The following ZNF804B variants were observed in gnomAD, a reference collection of about 807,000 sequenced individuals.
ZNF804B encodes zinc finger 804B.
A neutral mutation model predicts 101.4 loss-of-function variants in ZNF804B; 80 were observed. The observed-to-expected ratio is 0.79, with a 90% confidence interval of 0.66 to 0.95. ZNF804B has a LOEUF of 0.95. ZNF804B is among the 40% of genes least tolerant of loss of function. ZNF804B has a pLI of 0.00. For missense variants in ZNF804B, 1,673 were observed against 1,561.9 expected, an observed-to-expected ratio of 1.07 and a Z score of -1.20; for synonymous variants, 622 against 558.8, an observed-to-expected ratio of 1.11 and a Z score of -1.59.
intron 2 of ZNF804B, among the ~76,000 whole-genome samples, chr7:89,219,110 A>T (rs1479232766): frequency 6.6e-6 from 1 of 151,528 alleles, no homozygotes; most frequent in Non-Finnish European, 1.5e-5. Flanking sequence ...ATTATAGTCT[A>T]CATCTTTGTT....
rs187131439 is a variant in ZNF804B, at chr7:89,206,708, C to T, written c.109-11447C>T. Among the ~76,000 whole-genome samples the T allele has an allele frequency of 6.7e-3, 1,025 of 152,206 alleles. 3 individuals are homozygous for T. Among genetic ancestry groups the T allele is most frequent in the Non-Finnish European group, 0.01 (700 of 68,014 alleles). On this transcript the variant is annotated intron_variant, in intron 1 of 3. Coordinates refer to ENST00000333190, the MANE Select transcript of ZNF804B (RefSeq NM_181646.5). ...TGGAAGTTGCAGTGAGCTGAGATCA[C>T]GCCATTGCACTCCAGCCTGGGTCAC...
At chr7:89,050,942 A>G (rs1207323521) in intron 1 of ZNF804B, among the ~76,000 whole-genome samples, 2 of 151,904 alleles carry the variant, frequency 1.3e-5, no homozygotes, top group African/African-American at 2.4e-5. Context: ...GGTTTTATTA[A>G]GGTAGAAGCA....
chr7:89,305,985 G>C (rs773333051), intron 2 of ZNF804B, among the ~76,000 whole-genome samples: 2 of 151,914 alleles, frequency 1.3e-5, no homozygotes, highest in Non-Finnish European at 2.9e-5. Context: ...TTTAATAGAT[G>C]TAATAATTGT....
At chr7:88,885,605 A>G (rs559404210) in intron 1 of ZNF804B, among the ~76,000 whole-genome samples, 1 of 150,450 alleles carries the variant, frequency 6.6e-6, no homozygotes, top group Non-Finnish European at 1.5e-5. Context: ...ATTACAACAT[A>G]CTAGATATGA....
At chr7:89,183,359 G>A (rs1788327724) in intron 1 of ZNF804B, among the ~76,000 whole-genome samples, 1 of 151,654 alleles carries the variant, frequency 6.6e-6, no homozygotes, top group Non-Finnish European at 1.5e-5. Flanking sequence ...TTCATTTTAT[G>A]GTAATTATAT....
rs1562885474 is a variant in ZNF804B, at chr7:89,103,068, T to TG, written c.109-115087_109-115086insG. 2.6e-3 allele frequency among the ~76,000 whole-genome samples: 363 copies of TG among 138,956 alleles called. 4 individuals carry two copies. Among genetic ancestry groups the TG allele is most frequent in the Middle Eastern group, 7.2e-3 (2 of 276 alleles). The allele number at this position is 138,956 out of a possible 152,430, so 91.2% of individuals were successfully genotyped here. The stretch of plus-strand genomic sequence containing the variant: ...TGTCTGTTTTTTTTTTTTTTTTTTT[T>TG]TTTTTTTTTTTTTTTACCAATACTG... On this transcript the variant is annotated intron_variant, in intron 1 of 3. Transcript: ENST00000333190.
chr7:88,940,379 T>C (rs940593576), intron 1 of ZNF804B, among the ~76,000 whole-genome samples: 1 of 151,960 alleles, frequency 6.6e-6, no homozygotes, highest in Non-Finnish European at 1.5e-5. Context: ...GAATAAAAAT[T>C]AGATAAGTAT....
At chr7:89,329,611 C>T (rs1790946884) in intron 3 of ZNF804B, among the ~76,000 whole-genome samples, 1 of 151,592 alleles carries the variant, frequency 6.6e-6, no homozygotes, top group Non-Finnish European at 1.5e-5. Flanking sequence ...TATAAAGGGT[C>T]ATCAAATTTG....
At chr7:89,061,390 ATG>A (rs58438827) in intron 1 of ZNF804B, among the ~76,000 whole-genome samples, 3 of 150,702 alleles carry the variant, frequency 2.0e-5, no homozygotes, top group Non-Finnish European at 3.0e-5. Context: ...CCCCATGAAA[ATG>A]TGTGTGTGTG....
At chr7:89,217,190 A>C (rs1393896217) in intron 1 of ZNF804B, among the ~76,000 whole-genome samples, 1 of 152,214 alleles carries the variant, frequency 6.6e-6, no homozygotes, top group Non-Finnish European at 1.5e-5. Flanking sequence ...ATTAAAGAGG[A>C]AAATATAGAA....
intron 1 of ZNF804B, among the ~76,000 whole-genome samples, chr7:89,024,935 G>C (rs1177973201): frequency 6.6e-6 from 1 of 151,944 alleles, no homozygotes; most frequent in Non-Finnish European, 1.5e-5. Flanking sequence ...TTTTTGTCCA[G>C]GAGGGAATGA....
At chr7:88,992,587 A>G (rs1793862007) in intron 1 of ZNF804B, among the ~76,000 whole-genome samples, 1 of 152,112 alleles carries the variant, frequency 6.6e-6, no homozygotes, top group East Asian at 1.9e-4. Flanking sequence ...TTTTAGAGAA[A>G]ATGACTTTTA....
intron 1 of ZNF804B, among the ~76,000 whole-genome samples, chr7:89,184,107 A>T (rs930587875): frequency 5.9e-5 from 9 of 152,142 alleles, no homozygotes; most frequent in Admixed American, 4.6e-4. Context: ...TTAGTTTGTG[A>T]TGTAAGGAGC....
At chr7:88,967,364 AACTC>A (rs984434233) in intron 1 of ZNF804B, among the ~76,000 whole-genome samples, 6 of 151,372 alleles carry the variant, frequency 4.0e-5, no homozygotes, top group African/African-American at 1.5e-4. Flanking sequence ...ATCTGGTGAG[AACTC>A]ACTCACTATT....
At chr7:88,863,342 T>C (rs1791678465) in intron 1 of ZNF804B, among the ~76,000 whole-genome samples, 1 of 152,230 alleles carries the variant, frequency 6.6e-6, no homozygotes, top group Non-Finnish European at 1.5e-5. Context: ...TCTTTGTTGG[T>C]GTGCCATGCC....
chr7:89,054,067 T>G (rs1789253425), intron 1 of ZNF804B, among the ~76,000 whole-genome samples: 1 of 151,938 alleles, frequency 6.6e-6, no homozygotes, highest in African/African-American at 2.4e-5. Flanking sequence ...TTATTTGTCT[T>G]AAAATTGTTC....
rs1396726129 is a variant in ZNF804B at position 89,159,868 on chromosome 7, A to G, written c.109-58287A>G. On this transcript the variant is annotated intron_variant, in intron 1 of 3. Transcript: ENST00000333190. Reference sequence around the variant, plus strand: ...ATTTAGGGGATATAAAATATTTGGGAAAGTCTTTGGACACCTATCCTTTGT... The same window carrying G: ...ATTTAGGGGATATAAAATATTTGGGGAAGTCTTTGGACACCTATCCTTTGT... Among the ~76,000 whole-genome samples the G allele has an allele frequency of 2.6e-5, 4 of 152,268 alleles. No homozygotes were observed. The East Asian group carries it at 7.7e-4, about 29-fold the overall frequency.
At chr7:88,765,685 A>G (rs2115617116) in intron 1 of ZNF804B, among the ~76,000 whole-genome samples, 1 of 152,340 alleles carries the variant, frequency 6.6e-6, no homozygotes, top group African/African-American at 2.4e-5. Flanking sequence ...GGGTTATAAC[A>G]AATGTAGTTT....
intron 1 of ZNF804B, among the ~76,000 whole-genome samples, chr7:88,813,707 A>C (rs912518218): frequency 6.6e-6 from 1 of 152,280 alleles, no homozygotes; most frequent in East Asian, 1.9e-4. Context: ...ACTTAGGACA[A>C]TTTTTCAAGT....
Sources: gnomAD v4.1 joint callset for allele counts (sites outside exome capture counted in the v4.1 genomes callset) on GRCh38, gnomAD v4.1.1 for gene constraint, MANE v1.5 for transcripts, NCBI Gene and HGNC (gene_info 2026-07-23, HGNC 2026-07-21) for gene names.